The following WWC2 variants were observed in gnomAD, a reference collection of about 807,000 sequenced individuals.
WWC2 encodes WW and C2 domain containing 2.
In WWC2, 101 loss-of-function variants were observed where a neutral mutation model predicts 138.5. The observed-to-expected ratio is 0.73, with a 90% CI of 0.62 to 0.86. The LOEUF is 0.86. Ranked by LOEUF, WWC2 falls within the 40% of genes least tolerant of loss-of-function variation. The pLI, the probability that WWC2 is intolerant of heterozygous loss-of-function variation, is 0.00. For missense variants in WWC2, 1,420 were observed against 1,419.4 expected (o/e 1.00, Z -0.01); for synonymous variants, 558 against 538.4 (o/e 1.04, Z -0.50).
rs1184984104 is a variant in WWC2 at position 183,319,385 on chromosome 4, A to G, written c.*3656A>G. 1.4e-5 allele frequency: 10 copies of G among 722,570 alleles called. No homozygotes were observed. The South Asian group carries it at 1.6e-4, about 11-fold the overall frequency. The allele number at this position is 722,570 out of a possible 1,614,324, so 44.8% of individuals were successfully genotyped here. On this transcript the variant is annotated 3_prime_UTR_variant, in exon 23 of 23. Coordinates refer to ENST00000403733, the MANE Select transcript of WWC2 (RefSeq NM_024949.6). ...TCTTGATTGATTTTGGTCTCAGACT[A>G]GAAGATAAAAATGGTTTACCAGTCT...
chr4:183,242,510 A>G (rs1309073057), intron 5 of WWC2, among the ~76,000 whole-genome samples: 1 of 152,216 alleles, frequency 6.6e-6, no homozygotes, highest in Non-Finnish European at 1.5e-5. Context: ...ACTTCGGCCT[A>G]AGCAGCAGTG....
At chr4:183,192,748 G>A (rs1735024567) in intron 1 of WWC2, among the ~76,000 whole-genome samples, 1 of 152,064 alleles carries the variant, frequency 6.6e-6, no homozygotes, top group Admixed American at 6.6e-5. Context: ...TAGAAAATGT[G>A]TTGACTGATG....
chr4:183,270,462 T>C (rs557367605), intron 15 of WWC2, among the ~76,000 whole-genome samples: 1 of 152,174 alleles, frequency 6.6e-6, no homozygotes, highest in Non-Finnish European at 1.5e-5. Flanking sequence ...CTTTACAGCA[T>C]ATTATAAGAA....
chr4:183,270,558 G>A lies in WWC2; in HGVS notation c.2401-522G>A, dbSNP rs183677579. On this transcript the variant is annotated intron_variant, in intron 15 of 22. Coordinates refer to ENST00000403733, the MANE Select transcript of WWC2 (RefSeq NM_024949.6). ...GCAGGCAGATCACCTGAGGTCAGGA[G>A]TTCGAGACCAGCCTGGCCAACATGG... 4.5e-3 allele frequency among the ~76,000 whole-genome samples: 691 copies of A among 152,234 alleles called. 4 individuals are homozygous for A. The highest frequency in any genetic ancestry group is 0.016 in the African/African-American group (662 of 41,522).
intron 9 of WWC2, 104 bp from the exon 10 acceptor site, chr4:183,259,534 AT>A (rs894311165): frequency 2.4e-5 from 22 of 912,350 alleles, no homozygotes; most frequent in African/African-American, 2.4e-4. Flanking sequence ...GCCCATTCAC[AT>A]TTTTCCCTTG....
At chr4:183,124,536 C>CTTTTTTTTTTTTTTTTTTTTTT (rs370409813) in intron 1 of WWC2, among the ~76,000 whole-genome samples, 1 of 122,810 alleles carries the variant, frequency 8.1e-6, no homozygotes, top group African/African-American at 3.1e-5. Context: ...TCCTTTTTCT[C>CTTTTTTTTTTTTTTTTTTTTTT]TTTTTTTTTT....
chr4:183,271,957 G>A (rs936924928), intron 16 of WWC2, among the ~76,000 whole-genome samples: 2 of 152,168 alleles, frequency 1.3e-5, no homozygotes, highest in African/African-American at 2.4e-5. Context: ...AGTGAGCCAT[G>A]ATCATGCCAC....
chr4:183,225,645 A>G (rs1291240640), intron 4 of WWC2, among the ~76,000 whole-genome samples: 3 of 152,346 alleles, frequency 2.0e-5, no homozygotes, highest in Non-Finnish European at 4.4e-5. Context: ...GCAATAACTA[A>G]CAGGATGAGA....
chr4:183,228,555 T>C (rs934132515), intron 4 of WWC2, among the ~76,000 whole-genome samples: 1 of 152,150 alleles, frequency 6.6e-6, no homozygotes, highest in African/African-American at 2.4e-5. Context: ...TTTCAATATA[T>C]TTCAAAGTAT....
At chr4:183,105,762 T>C (rs1437730923) in intron 1 of WWC2, among the ~76,000 whole-genome samples, 4 of 151,794 alleles carry the variant, frequency 2.6e-5, no homozygotes, top group South Asian at 2.1e-4. Flanking sequence ...TGGTGGCGGG[T>C]GCCTGTAGTC....
At chr4:183,146,711 A>T (rs1037576754) in intron 1 of WWC2, among the ~76,000 whole-genome samples, 2 of 152,128 alleles carry the variant, frequency 1.3e-5, no homozygotes, top group Non-Finnish European at 2.9e-5. Context: ...GGGCTGGGGA[A>T]TGTGACAATG....
chr4:183,242,301 G>C (rs896124893), intron 5 of WWC2, among the ~76,000 whole-genome samples: 1 of 152,120 alleles, frequency 6.6e-6, no homozygotes, highest in South Asian at 2.1e-4. Flanking sequence ...ATATATTTCA[G>C]GAAAAGATTT....
intron 1 of WWC2, among the ~76,000 whole-genome samples, chr4:183,129,186 G>A (rs1667212177): frequency 6.6e-6 from 1 of 152,234 alleles, no homozygotes; most frequent in African/African-American, 2.4e-5. Context: ...AGAGCTAACG[G>A]CTTAAAGAAT....
rs1743102862 is a variant in WWC2 at position 183,099,730 on chromosome 4, G to T, written c.131+108G>T. On this transcript the variant is annotated intron_variant, in intron 1 of 22. Coordinates refer to ENST00000403733, the MANE Select transcript of WWC2 (RefSeq NM_024949.6). ...CGGCGCCGGCCCGCGGTGCCCCGAGGGGTCCCGGGAGGGATGTGGGGCTGG... is the reference window on the plus strand; with the variant it reads ...CGGCGCCGGCCCGCGGTGCCCCGAGTGGTCCCGGGAGGGATGTGGGGCTGG... 4.6e-6 allele frequency: 5 copies of T among 1,090,840 alleles called. No homozygotes were observed. In the East Asian group the frequency reaches 2.5e-4, roughly 54 times the overall value. The allele number at this position is 1,090,840 out of a possible 1,614,324, so 67.6% of individuals were successfully genotyped here.
chr4:183,119,184 A>C (rs1487136235), intron 1 of WWC2, among the ~76,000 whole-genome samples: 1 of 152,202 alleles, frequency 6.6e-6, no homozygotes, highest in Non-Finnish European at 1.5e-5. Context: ...CATTTGAATG[A>C]AAATCAGGAG....
At chr4:183,288,186 G>T (rs1019278893) in intron 20 of WWC2, among the ~76,000 whole-genome samples, 2 of 152,186 alleles carry the variant, frequency 1.3e-5, no homozygotes, top group African/African-American at 4.8e-5. Context: ...GTATGTACTG[G>T]ATGTGGAGGA....
intron 7 of WWC2, among the ~76,000 whole-genome samples, chr4:183,249,134 G>A (rs1479067578): frequency 6.6e-6 from 1 of 152,136 alleles, no homozygotes; most frequent in East Asian, 1.9e-4. Context: ...AGAGGCATAT[G>A]AGAATTTAAC....
chr4:183,180,357 A>G (rs1265889186), intron 1 of WWC2, among the ~76,000 whole-genome samples: 2 of 152,092 alleles, frequency 1.3e-5, no homozygotes, highest in African/African-American at 4.8e-5. Flanking sequence ...CCTTGTATTC[A>G]TGAGGGTATC....
At chr4:183,180,654 G>A (rs1734604927) in intron 1 of WWC2, among the ~76,000 whole-genome samples, 1 of 151,946 alleles carries the variant, frequency 6.6e-6, no homozygotes, top group Admixed American at 6.6e-5. Flanking sequence ...GCAATAAAAA[G>A]AATGAATTCT....
Sources: allele counts gnomAD v4.1 joint callset (sites outside exome capture counted in the v4.1 genomes callset), GRCh38; gene constraint gnomAD v4.1.1; transcripts MANE v1.5; gene names NCBI Gene and HGNC (gene_info 2026-07-23, HGNC 2026-07-21).